TMEM51: variants seen among roughly 807,000 people sequenced by gnomAD.
TMEM51 encodes transmembrane protein 51.
In TMEM51, 8 loss-of-function variants were observed where a neutral mutation model predicts 13.6. The observed-to-expected ratio is 0.59, with a 90% confidence interval of 0.35 to 1.07. The LOEUF is 1.07. TMEM51 is among the 50% of genes least tolerant of loss of function. The pLI, the probability that TMEM51 is intolerant of heterozygous loss-of-function variation, is 0.02. For synonymous variants in TMEM51, 147 were observed against 144.4 expected, an observed-to-expected ratio of 1.02 and a Z score of -0.13; for missense variants, 279 against 330.7, an observed-to-expected ratio of 0.84 and a Z score of 1.21.
intron 1 of TMEM51, among the ~76,000 whole-genome samples, chr1:15,163,072 C>G (rs1011539930): frequency 6.6e-6 from 1 of 151,908 alleles, no homozygotes; most frequent in Non-Finnish European, 1.5e-5. Context: ...ATTTTGGAAA[C>G]AAGACTCAGA....
chr1:15,163,152 G>A, intron 1 of TMEM51, among the ~76,000 whole-genome samples: 1 of 151,960 alleles, frequency 6.6e-6, no homozygotes, highest in South Asian at 2.1e-4. Flanking sequence ...GGGGGAAACG[G>A]TGCCTAAGAC....
At chr1:15,157,930 T>C (rs1053601657) in intron 1 of TMEM51, among the ~76,000 whole-genome samples, 8 of 152,188 alleles carry the variant, frequency 5.3e-5, no homozygotes. Flanking sequence ...TTTTGTTTGC[T>C]GAGCTGTTTC....
At chr1:15,155,677 G>A (rs1279401956) in intron 1 of TMEM51, among the ~76,000 whole-genome samples, 1 of 152,152 alleles carries the variant, frequency 6.6e-6, no homozygotes, top group Non-Finnish European at 1.5e-5. Flanking sequence ...GTGCTGGGCT[G>A]GGGAAGGTGC....
chr1:15,165,509 G>C (rs1437287292), intron 1 of TMEM51, among the ~76,000 whole-genome samples: 3 of 152,158 alleles, frequency 2.0e-5, no homozygotes, highest in African/African-American at 7.2e-5. Context: ...CAGCATAGAA[G>C]TGTAAACTGG....
intron 1 of TMEM51, among the ~76,000 whole-genome samples, chr1:15,198,607 G>A (rs1293983912): frequency 7.2e-5 from 11 of 151,770 alleles, no homozygotes; most frequent in African/African-American, 2.4e-4. Context: ...TAGTAGAGAC[G>A]GGGTTTCACC....
intron 1 of TMEM51, among the ~76,000 whole-genome samples, chr1:15,172,509 A>G (rs1342679438): frequency 6.6e-6 from 1 of 152,090 alleles, no homozygotes; most frequent in Non-Finnish European, 1.5e-5. Flanking sequence ...AGAGAGAGAC[A>G]GAGACAGAAG....
At chr1:15,193,860 A>G (rs1224879927) in intron 1 of TMEM51, among the ~76,000 whole-genome samples, 1 of 152,116 alleles carries the variant, frequency 6.6e-6, no homozygotes, top group Non-Finnish European at 1.5e-5. Context: ...CCTGGCCAGC[A>G]TTTTCTTTTT....
chr1:15,178,313 C>A (rs1005825661), intron 1 of TMEM51, among the ~76,000 whole-genome samples: 5 of 152,154 alleles, frequency 3.3e-5, no homozygotes, highest in Non-Finnish European at 5.9e-5. Context: ...CCTCCCACCC[C>A]ACCTGTCTCT....
intron 1 of TMEM51, among the ~76,000 whole-genome samples, chr1:15,200,990 G>A (rs1390976940): frequency 6.6e-6 from 1 of 152,160 alleles, no homozygotes; most frequent in East Asian, 1.9e-4. Context: ...TGCCACAGGT[G>A]CCTCACACCT....
At chr1:15,213,039 A>G (rs1208449254) in intron 2 of TMEM51, among the ~76,000 whole-genome samples, 2 of 152,226 alleles carry the variant, frequency 1.3e-5, no homozygotes, top group Non-Finnish European at 2.9e-5. Flanking sequence ...GACTTTCTGT[A>G]TGTCCCACAG....
At chr1:15,202,424 G>A (rs1461966165) in intron 1 of TMEM51, among the ~76,000 whole-genome samples, 1 of 152,148 alleles carries the variant, frequency 6.6e-6, no homozygotes, top group African/African-American at 2.4e-5. Context: ...CACATTTATT[G>A]TCTTGCAATA....
At position 15,215,129 on chromosome 1, in the gene TMEM51, G is replaced by A. The variant is rs1277749257; in HGVS notation, c.42G>A (p.Leu14=). The change falls in exon 3 of 4, where the codon CTG becomes CTA. Residue 14 remains leucine, a synonymous_variant. Coordinates refer to ENST00000376008, the MANE Select transcript of TMEM51 (RefSeq NM_001136218.2). ...AGGCCAATGGCTCGCACTATGCGCT[G>A]ACCGCCATCGGCCTGGGGATGCTGG... is the stretch of plus-strand genomic sequence containing the variant. The part of the protein sequence containing the change: ...QSKANGSHYA[L]TAIGLGMLVL... The A allele has an allele frequency of 6.2e-7, 1 of 1,614,036 alleles. No individual in the cohort carries two copies. The highest frequency in any genetic ancestry group is 8.5e-7 in the Non-Finnish European group (1 of 1,180,040).
intron 1 of TMEM51, among the ~76,000 whole-genome samples, chr1:15,167,075 C>G (rs1643031642): frequency 6.6e-6 from 1 of 152,100 alleles, no homozygotes; most frequent in African/African-American, 2.4e-5. Context: ...CGCCTGTAAT[C>G]CCAGCACTTT....
At chr1:15,169,072 T>C (rs1327582694) in intron 1 of TMEM51, among the ~76,000 whole-genome samples, 1 of 152,070 alleles carries the variant, frequency 6.6e-6, no homozygotes, top group Non-Finnish European at 1.5e-5. Context: ...GAAGGTGGGG[T>C]CTTGGCTCCA....
chr1:15,193,817 A>G (rs568429785), intron 1 of TMEM51, among the ~76,000 whole-genome samples: 1 of 152,304 alleles, frequency 6.6e-6, no homozygotes, highest in Admixed American at 6.5e-5. Flanking sequence ...TTGGCCTCCC[A>G]GAGTGCTGGG....
chr1:15,200,956 C>G (rs565376356), intron 1 of TMEM51, among the ~76,000 whole-genome samples: 4 of 152,082 alleles, frequency 2.6e-5, no homozygotes, highest in African/African-American at 9.7e-5. Context: ...GTGGGGGGCC[C>G]GGGAGGCACC....
intron 1 of TMEM51, among the ~76,000 whole-genome samples, chr1:15,158,261 G>A (rs142329669): frequency 3.3e-5 from 5 of 152,282 alleles, no homozygotes; most frequent in African/African-American, 7.2e-5. Flanking sequence ...GTGCAAAGAC[G>A]TTTCCAATTC....
chr1:15,188,307 G>A (rs574139776), intron 1 of TMEM51, among the ~76,000 whole-genome samples: 5 of 152,264 alleles, frequency 3.3e-5, no homozygotes, highest in Non-Finnish European at 7.4e-5. Context: ...TTCCCCCAAA[G>A]CAAAGAACTG....
At chr1:15,172,848 G>A (rs1643332024) in intron 1 of TMEM51, among the ~76,000 whole-genome samples, 1 of 152,212 alleles carries the variant, frequency 6.6e-6, no homozygotes, top group African/African-American at 2.4e-5. Context: ...TCTTTGTCCA[G>A]CAGATGGGTG....
Sources: allele counts gnomAD v4.1 joint callset (sites outside exome capture counted in the v4.1 genomes callset), GRCh38; gene constraint gnomAD v4.1.1; transcripts MANE v1.5; gene names NCBI Gene and HGNC (gene_info 2026-07-23, HGNC 2026-07-21).